The following CSMD1 variants were observed in gnomAD, a reference collection of about 807,000 sequenced individuals.
CSMD1 encodes CUB and Sushi multiple domains 1.
In CSMD1, 213 loss-of-function variants were observed where a neutral mutation model predicts 417.5. The ratio of observed to expected loss-of-function variants is 0.51; its 90% CI spans 0.46 to 0.57. The LOEUF is 0.57. Ranked by LOEUF, CSMD1 falls within the 20% of genes least tolerant of loss-of-function variation. The probability of loss-of-function intolerance (pLI) is 0.00; values close to 1 mark genes in which losing one functional copy is unlikely to be tolerated. For missense variants in CSMD1, 6,923 were observed against 4,529.7 expected, an observed-to-expected ratio of 1.53 and a Z score of -15.17; for synonymous variants, 2,862 against 1,736.8, an observed-to-expected ratio of 1.65 and a Z score of -16.11.
At chr8:4,514,916 A>G (rs1803033549) in intron 2 of CSMD1, among the ~76,000 whole-genome samples, 1 of 152,208 alleles carries the variant, frequency 6.6e-6, no homozygotes. Context: ...AGAGTAAGCA[A>G]TATGAATCCA....
rs142475188 is a variant in CSMD1 at position 4,028,131 on chromosome 8, A to G, written c.610+3774T>C. The stretch of plus-strand genomic sequence containing the variant: ...AATGGACATAATAAACTTCAGGAAC[A>G]TGAAGAGAAAATGAGCATTTTAGAA... On this transcript the variant is annotated intron_variant, in intron 4 of 69. Transcript: ENST00000635120. Among the ~76,000 whole-genome samples the G allele has an allele frequency of 5.9e-3, 891 of 152,306 alleles. 9 individuals are homozygous for G. The highest frequency in any genetic ancestry group is 0.021 in the African/African-American group (853 of 41,574).
At chr8:3,355,999 A>C (rs1808758227) in intron 21 of CSMD1, among the ~76,000 whole-genome samples, 1 of 152,204 alleles carries the variant, frequency 6.6e-6, no homozygotes. Context: ...AATAAACACA[A>C]ATAATAAAAA....
intron 5 of CSMD1, among the ~76,000 whole-genome samples, chr8:3,915,320 C>T (rs757097573): frequency 7.0e-6 from 1 of 143,878 alleles, no homozygotes; most frequent in Non-Finnish European, 1.5e-5. Flanking sequence ...GCAGGAGAAT[C>T]ATTTGAACCC....
At chr8:3,601,171 T>C (rs1379823855) in intron 8 of CSMD1, among the ~76,000 whole-genome samples, 1 of 152,206 alleles carries the variant, frequency 6.6e-6, no homozygotes, top group African/African-American at 2.4e-5. Flanking sequence ...TGCTGCATCA[T>C]TGTGTCCGTG....
At chr8:3,724,246 G>A (rs1041117850) in intron 6 of CSMD1, among the ~76,000 whole-genome samples, 38 of 151,374 alleles carry the variant, frequency 2.5e-4, no homozygotes, top group African/African-American at 8.7e-4. Flanking sequence ...TGTGCACATT[G>A]TGCAGGTTAG....
chr8:3,149,937 C>G (rs1046760226), intron 40 of CSMD1, among the ~76,000 whole-genome samples: 7 of 152,166 alleles, frequency 4.6e-5, no homozygotes, highest in African/African-American at 1.4e-4. Flanking sequence ...GGCTCCGGTC[C>G]TTAAGAGCGC....
At chr8:3,893,234 TTTC>T (rs1406406433) in intron 5 of CSMD1, among the ~76,000 whole-genome samples, 2 of 150,620 alleles carry the variant, frequency 1.3e-5, no homozygotes, top group Non-Finnish European at 3.0e-5. Context: ...AAACACATTT[TTTC>T]TTCTTCTTAT....
intron 2 of CSMD1, among the ~76,000 whole-genome samples, chr8:4,542,427 C>A (rs1237994421): frequency 1.3e-5 from 2 of 152,148 alleles, no homozygotes; most frequent in Non-Finnish European, 2.9e-5. Flanking sequence ...TAGACACTGA[C>A]GTTTTATAGA....
intron 3 of CSMD1, among the ~76,000 whole-genome samples, chr8:4,154,349 C>T (rs1168505314): frequency 1.3e-5 from 2 of 152,198 alleles, no homozygotes; most frequent in Non-Finnish European, 2.9e-5. Context: ...AGTATTCAGT[C>T]AAGCAAATGT....
intron 3 of CSMD1, among the ~76,000 whole-genome samples, chr8:4,210,708 GTAATGT>G (rs535178273): frequency 1.5e-3 from 227 of 152,140 alleles, no homozygotes; most frequent in Non-Finnish European, 2.7e-3. Flanking sequence ...TCATTTAATT[GTAATGT>G]TAAACACTAA....
At chr8:3,059,325 T>C (rs1812438778) in intron 49 of CSMD1, among the ~76,000 whole-genome samples, 1 of 150,084 alleles carries the variant, frequency 6.7e-6, no homozygotes, top group African/African-American at 2.4e-5. Context: ...TCTGTCTTTA[T>C]AAGGTGATCC....
intron 3 of CSMD1, among the ~76,000 whole-genome samples, chr8:4,169,222 G>C (rs538408047): frequency 4.6e-5 from 7 of 152,128 alleles, no homozygotes; most frequent in Non-Finnish European, 8.8e-5. Flanking sequence ...TCTGAGCAAA[G>C]TCCAGCAGTG....
intron 1 of CSMD1, among the ~76,000 whole-genome samples, chr8:4,723,787 T>TAAAA (rs57096241): frequency 0.012 from 1,631 of 131,234 alleles, 29 homozygotes; most frequent in African/African-American, 0.033. Context: ...CTTTCGAATG[T>TAAAA]AAAAAAAAAA....
At chr8:4,535,566 G>A (rs960250926) in intron 2 of CSMD1, among the ~76,000 whole-genome samples, 2 of 151,992 alleles carry the variant, frequency 1.3e-5, no homozygotes, top group Non-Finnish European at 2.9e-5. Context: ...CAAGTTACTC[G>A]TAGGTTAACC....
chr8:3,013,190 A>G (rs1053874450), intron 52 of CSMD1, among the ~76,000 whole-genome samples: 1 of 152,194 alleles, frequency 6.6e-6, no homozygotes, highest in African/African-American at 2.4e-5. Context: ...GTATGCACAT[A>G]TGATGTCTGC....
intron 5 of CSMD1, among the ~76,000 whole-genome samples, chr8:3,859,465 G>T (rs191041119): frequency 6.6e-6 from 1 of 152,172 alleles, no homozygotes; most frequent in Non-Finnish European, 1.5e-5. Context: ...TTTGTGCTTG[G>T]TTTCTGGGAG....
chr8:3,280,040 G>A (rs1802608865), intron 26 of CSMD1, among the ~76,000 whole-genome samples: 2 of 152,160 alleles, frequency 1.3e-5, no homozygotes, highest in Admixed American at 6.5e-5. Context: ...GAGCAAAGCC[G>A]TCCGTGTTGA....
intron 3 of CSMD1, among the ~76,000 whole-genome samples, chr8:4,084,956 G>A (rs1032146822): frequency 2.6e-5 from 4 of 152,208 alleles, no homozygotes; most frequent in African/African-American, 4.8e-5. Context: ...AGCACCTGCA[G>A]AAAGAAGGAG....
chr8:3,682,458 C>A (rs1384640793), intron 7 of CSMD1, among the ~76,000 whole-genome samples: 1 of 152,100 alleles, frequency 6.6e-6, no homozygotes, highest in African/African-American at 2.4e-5. Context: ...TCATCACCGG[C>A]CATCAGAGAA....
Sources: gnomAD v4.1 joint callset for allele counts (sites outside exome capture counted in the v4.1 genomes callset) on GRCh38, gnomAD v4.1.1 for gene constraint, MANE v1.5 for transcripts, NCBI Gene and HGNC (gene_info 2026-07-23, HGNC 2026-07-21) for gene names.